Variants in GAREM1 observed in about 807,000 individuals in gnomAD.
GAREM1 encodes the protein GRB2 associated regulator of MAPK1 subtype 1.
In GAREM1, 26 loss-of-function variants were observed where a neutral mutation model predicts 71.3. That is an observed-to-expected ratio of 0.36 (90% CI 0.27 to 0.51). The LOEUF is 0.51. Ranked by LOEUF, GAREM1 falls within the 20% of genes least tolerant of loss-of-function variation. The pLI is 0.95. For synonymous variants in GAREM1, 440 were observed against 433.2 expected (o/e 1.02, Z -0.20); for missense variants, 1,026 against 1,103.1 (o/e 0.93, Z 0.99).
chr18:32,317,106 C>T (rs988045529), intron 2 of GAREM1, among the ~76,000 whole-genome samples: 5 of 152,098 alleles, frequency 3.3e-5, no homozygotes, highest in African/African-American at 1.2e-4. Flanking sequence ...CAAGACAAGA[C>T]ATTAGAAGTG....
At position 32,263,816 on chromosome 18, in the gene GAREM1, A is replaced by G. The variant is rs1205546431; in HGVS notation, c.*4055T>C. On this transcript the variant is annotated 3_prime_UTR_variant, in exon 6 of 6. Coordinates refer to ENST00000269209, the MANE Select transcript of GAREM1 (RefSeq NM_001242409.2). ...TTTAGGCTTAGCTTAAATATTTTAA[A>G]TGAAACAATATGAGAGTGGGAGAAA... 2 of 152,228 alleles carry G rather than the reference A, an allele frequency of 1.3e-5. No homozygotes were observed. Among genetic ancestry groups the G allele is most frequent in the African/African-American group, 2.4e-5 (1 of 41,468 alleles). 9.4% of individuals were successfully genotyped at this position (152,228 alleles called of 1,614,324 possible).
At chr18:32,355,856 T>C (rs890072418) in intron 2 of GAREM1, among the ~76,000 whole-genome samples, 16 of 152,190 alleles carry the variant, frequency 1.1e-4, no homozygotes, top group Non-Finnish European at 1.9e-4. Context: ...GAATGCACAG[T>C]ACAGTTGAAC....
At chr18:32,306,547 C>T (rs1319732154) in intron 3 of GAREM1, among the ~76,000 whole-genome samples, 1 of 152,084 alleles carries the variant, frequency 6.6e-6, no homozygotes, top group Non-Finnish European at 1.5e-5. Context: ...TGCCAGTGTC[C>T]CCTGAGGGAC....
chr18:32,326,363 CATA>C (rs2047475361), intron 2 of GAREM1, among the ~76,000 whole-genome samples: 1 of 152,108 alleles, frequency 6.6e-6, no homozygotes, highest in African/African-American at 2.4e-5. Context: ...AATTTGTGAC[CATA>C]ATGACAGTGG....
Position 32,287,410 on chromosome 18 carries a change from T to C in GAREM1, c.1187A>G (p.His396Arg), listed in dbSNP as rs755376290. The C allele has an allele frequency of 1.2e-6, 2 of 1,612,858 alleles. No individual in the cohort carries two copies. Among genetic ancestry groups the C allele is most frequent in the Non-Finnish European group, 1.7e-6 (2 of 1,178,864 alleles). ...ATGAAGGTTCACCTCACTGTTGCCA[T>C]GGAGATTGTTGCCATACACACAGAC... is the stretch of plus-strand genomic sequence containing the variant. ...LSVCVYGNNL[H>R]GNSEVNLHGC... The change falls in exon 4 of 6, where the codon CAT becomes CGT. Residue 396 changes from histidine (H) to arginine (R), a missense_variant. Coordinates refer to ENST00000269209, the MANE Select transcript of GAREM1 (RefSeq NM_001242409.2). This position sits in a 1 kb window ranked among gnomAD's most constrained non-coding sequence, Gnocchi z 5.9.
chr18:32,322,872 C>T (rs1052463785), intron 2 of GAREM1, among the ~76,000 whole-genome samples: 7 of 152,132 alleles, frequency 4.6e-5, no homozygotes, highest in South Asian at 2.1e-4. Flanking sequence ...TTAATTAGAC[C>T]GCAGTGCCGT....
At chr18:32,417,582 A>C (rs2048477203) in intron 1 of GAREM1, among the ~76,000 whole-genome samples, 1 of 152,174 alleles carries the variant, frequency 6.6e-6, no homozygotes, top group African/African-American at 2.4e-5. Context: ...CATGGGTGGA[A>C]CTGGAGGTCA....
chr18:32,371,699 A>G (rs1476542585), intron 2 of GAREM1, among the ~76,000 whole-genome samples: 1 of 152,092 alleles, frequency 6.6e-6, no homozygotes, highest in Non-Finnish European at 1.5e-5. Flanking sequence ...GAGTGGGCCC[A>G]GGATGGTACT....
At chr18:32,343,566 G>T (rs113569763) in intron 2 of GAREM1, among the ~76,000 whole-genome samples, 13,718 of 152,044 alleles carry the variant, frequency 0.09, 1,089 homozygotes, top group African/African-American at 0.21. Context: ...CTCCCAAAGT[G>T]CTGGAATTAC....
intron 3 of GAREM1, among the ~76,000 whole-genome samples, chr18:32,308,153 T>G (rs79921336): frequency 6.6e-6 from 1 of 152,192 alleles, no homozygotes; most frequent in Non-Finnish European, 1.5e-5. Context: ...CAATTAGTTT[T>G]ATGGATGCTA....
chr18:32,296,708 T>C (rs932008469), intron 3 of GAREM1, among the ~76,000 whole-genome samples: 1 of 78,668 alleles, frequency 1.3e-5, no homozygotes, highest in African/African-American at 5.5e-5. Flanking sequence ...TTCTTGGCAG[T>C]TTTTTTTTTT....
chr18:32,448,378 C>A (rs2048803307), intron 1 of GAREM1, among the ~76,000 whole-genome samples: 1 of 152,194 alleles, frequency 6.6e-6, no homozygotes, highest in South Asian at 2.1e-4. Flanking sequence ...ATGTCAGAAC[C>A]TAAGTGTGAC....
At chr18:32,329,637 C>T (rs895731756) in intron 2 of GAREM1, among the ~76,000 whole-genome samples, 2 of 136,058 alleles carry the variant, frequency 1.5e-5, no homozygotes, top group Admixed American at 7.9e-5. Flanking sequence ...ACCCAGGAGG[C>T]GGAGGTTACA....
intron 2 of GAREM1, among the ~76,000 whole-genome samples, chr18:32,313,248 A>C (rs1360744360): frequency 6.6e-6 from 1 of 152,136 alleles, no homozygotes; most frequent in Admixed American, 6.6e-5. Flanking sequence ...AGCTGGATAA[A>C]ATGGGCACAG....
At chr18:32,372,262 C>G (rs1273666742) in intron 2 of GAREM1, among the ~76,000 whole-genome samples, 1 of 152,138 alleles carries the variant, frequency 6.6e-6, no homozygotes, top group Non-Finnish European at 1.5e-5. Flanking sequence ...TAAATATTTA[C>G]CCCAAGCCAC....
chr18:32,287,092 G>C lies in GAREM1; in HGVS notation c.1505C>G (p.Ala502Gly), dbSNP rs759708704. Residue 502 changes from alanine to glycine, a missense_variant, in exon 4 of 6, where the codon GCA becomes GGA. Transcript: ENST00000269209. This position sits in a 1 kb window ranked among gnomAD's most constrained non-coding sequence, Gnocchi z 5.9. ...SPLPIPGTLGAAVKSSDTALP... is the reference protein window; with the variant it reads ...SPLPIPGTLGGAVKSSDTALP... Reference sequence around the variant, plus strand: ...GGCAGTATCTGAAGACTTCACTGCTGCTCCCAGAGTCCCAGGGATGGGAAG... The same window carrying C: ...GGCAGTATCTGAAGACTTCACTGCTCCTCCCAGAGTCCCAGGGATGGGAAG... 3.7e-6 allele frequency: 6 copies of C among 1,614,180 alleles called. No individual in the cohort carries two copies. The South Asian group carries it at 6.6e-5, about 18-fold the overall frequency.
chr18:32,271,153 C>CCA (rs926190212), intron 4 of GAREM1, among the ~76,000 whole-genome samples: 3 of 151,874 alleles, frequency 2.0e-5, no homozygotes, highest in African/African-American at 7.3e-5. Context: ...TAGGCATGAG[C>CCA]CACCGTTCCT....
intron 3 of GAREM1, among the ~76,000 whole-genome samples, chr18:32,295,427 T>C (rs999352614): frequency 6.6e-6 from 1 of 152,182 alleles, no homozygotes; most frequent in African/African-American, 2.4e-5. Context: ...ACAGTTTTAT[T>C]ATCTATATTT....
At chr18:32,282,290 G>T (rs1418184240) in intron 4 of GAREM1, among the ~76,000 whole-genome samples, 2 of 152,182 alleles carry the variant, frequency 1.3e-5, no homozygotes, top group Middle Eastern at 3.2e-3. Context: ...GCCAGGCGTG[G>T]TGGCGTGAGC....
Sources: gnomAD v4.1 joint callset for allele counts (sites outside exome capture counted in the v4.1 genomes callset) on GRCh38, gnomAD v4.1.1 for gene constraint, Gnocchi (gnomAD v3.1) non-coding constraint, MANE v1.5 for transcripts, NCBI Gene and HGNC (gene_info 2026-07-23, HGNC 2026-07-21) for gene names.